The following HRH2 variants were observed in gnomAD, a reference collection of about 807,000 sequenced individuals.
The protein encoded by HRH2 is histamine receptor H2.
Under a neutral mutation model 20.1 loss-of-function variants are expected in HRH2, and 4 were observed. The observed-to-expected ratio is 0.20, with a 90% confidence interval of 0.10 to 0.45. HRH2 has a LOEUF of 0.45. Ranked by LOEUF, HRH2 falls within the 20% of genes least tolerant of loss-of-function variation. HRH2 has a pLI of 0.99. For missense variants in HRH2, 250 were observed against 461.6 expected (o/e 0.54, Z 4.20); for synonymous variants, 197 against 200.7 (o/e 0.98, Z 0.16).
intron 1 of HRH2, among the ~76,000 whole-genome samples, chr5:175,682,107 G>A (rs998689891): frequency 6.6e-6 from 1 of 152,170 alleles, no homozygotes; most frequent in African/African-American, 2.4e-5. Context: ...CTCTTCTGTC[G>A]GCACGTCATC....
chr5:175,699,735 G>T (rs112009929), intron 2 of HRH2, among the ~76,000 whole-genome samples: 4 of 151,972 alleles, frequency 2.6e-5, no homozygotes, highest in African/African-American at 9.7e-5. Flanking sequence ...CACCACGCCC[G>T]GCTAATTTTT....
In HRH2 at chr5:175,683,090, C is replaced by T. The variant is rs1341246797; in HGVS notation, c.-144C>T. On this transcript the variant is annotated 5_prime_UTR_variant, in exon 2 of 3. Coordinates refer to ENST00000636584, the MANE Select transcript of HRH2 (RefSeq NM_001367711.1). ...CATTGAAGCCTTCCCCACCCCCTGGCCAAAAAAAAAAAAAAAAAAAAACTG... is the reference window on the plus strand; with the variant it reads ...CATTGAAGCCTTCCCCACCCCCTGGTCAAAAAAAAAAAAAAAAAAAAACTG... The T allele has an allele frequency of 2.7e-6, 2 of 747,130 alleles. No individual in the cohort carries two copies. The highest frequency in any genetic ancestry group is 3.9e-6 in the Non-Finnish European group (2 of 509,614). The allele number at this position is 747,130 out of a possible 1,614,324, so 46.3% of individuals were successfully genotyped here. A position where few individuals can be genotyped will look rare whatever the true frequency, so the allele number is the denominator to read the frequency against.
At chr5:175,685,596 C>T (rs1756144061) in intron 2 of HRH2, 2 of 857,310 alleles carry the variant, frequency 2.3e-6, no homozygotes, top group Admixed American at 2.1e-5. Flanking sequence ...ATCAATGGCA[C>T]AGCCCTGGTC....
rs368999841 is a variant in HRH2, at chr5:175,674,344, C to T, written c.-525-8365C>T. Among the ~76,000 whole-genome samples, 25 of 152,314 alleles carry T rather than the reference C, an allele frequency of 1.6e-4. No individual in the cohort carries two copies. In the East Asian group the frequency reaches 2.3e-3, roughly 14 times the overall value. Reference sequence around the variant, plus strand: ...CTATCAAATGGGAACATGACAATCTCGCTATGCAGATACTATTATTATCAT... The same window carrying T: ...CTATCAAATGGGAACATGACAATCTTGCTATGCAGATACTATTATTATCAT... On this transcript the variant is annotated intron_variant, in intron 1 of 2. Coordinates refer to ENST00000636584, the MANE Select transcript of HRH2 (RefSeq NM_001367711.1).
intron 1 of HRH2, among the ~76,000 whole-genome samples, chr5:175,680,607 A>T (rs1755929780): frequency 6.6e-6 from 1 of 152,206 alleles, no homozygotes; most frequent in Non-Finnish European, 1.5e-5. Flanking sequence ...GGGTGACATG[A>T]TTCTTCCTCA....
At chr5:175,679,595 G>A (rs1042571976) in intron 1 of HRH2, among the ~76,000 whole-genome samples, 4 of 152,190 alleles carry the variant, frequency 2.6e-5, no homozygotes, top group Non-Finnish European at 4.4e-5. Context: ...AATCTAACTC[G>A]GTACAAAGTG....
intron 2 of HRH2, among the ~76,000 whole-genome samples, chr5:175,702,545 CTTT>C (rs1163403100): frequency 2.3e-5 from 2 of 86,088 alleles, no homozygotes; most frequent in Non-Finnish European, 2.2e-5. Flanking sequence ...AGTATACCAT[CTTT>C]TTTTTTTTTT....
intron 1 of HRH2, among the ~76,000 whole-genome samples, chr5:175,670,312 C>T (rs1755481163): frequency 6.6e-6 from 1 of 152,088 alleles, no homozygotes; most frequent in Non-Finnish European, 1.5e-5. Context: ...AGACTTTTTA[C>T]ATGAAATCTC....
intron 2 of HRH2, among the ~76,000 whole-genome samples, chr5:175,690,343 C>T (rs546053498): frequency 6.6e-6 from 1 of 152,296 alleles, no homozygotes; most frequent in South Asian, 2.1e-4. Context: ...GTTTGATAAC[C>T]TCAGGCAAGT....
At chr5:175,696,857 G>C (rs1204415363) in intron 2 of HRH2, among the ~76,000 whole-genome samples, 1 of 152,226 alleles carries the variant, frequency 6.6e-6, no homozygotes, top group African/African-American at 2.4e-5. Context: ...AGAAGGAACT[G>C]AGTTAAGACA....
chr5:175,664,072 G>A (rs1762818340), intron 1 of HRH2, among the ~76,000 whole-genome samples: 1 of 152,332 alleles, frequency 6.6e-6, no homozygotes, highest in East Asian at 1.9e-4. Context: ...CAGTGTGGCT[G>A]ATTATTGCCA....
rs756463083 is a variant in HRH2, at chr5:175,683,863, G to A, written c.630G>A (p.Arg210=). The change falls in exon 2 of 3, where the codon CGG becomes CGA. Residue 210 remains arginine, a synonymous_variant. Coordinates refer to ENST00000636584, the MANE Select transcript of HRH2 (RefSeq NM_001367711.1). The part of the protein sequence containing the change: ...ITYYRIFKVA[R]DQAKRINHIS... ...ACTACCGCATCTTCAAGGTCGCCCG[G>A]GATCAGGCCAAGAGGATCAATCACA... is the stretch of plus-strand genomic sequence containing the variant. 6 of 1,613,998 alleles carry A rather than the reference G, an allele frequency of 3.7e-6. No homozygotes were observed. Among genetic ancestry groups the A allele is most frequent in the Non-Finnish European group, 5.1e-6 (6 of 1,180,040 alleles).
At chr5:175,689,140 G>C (rs1165445209) in intron 2 of HRH2, among the ~76,000 whole-genome samples, 1 of 152,144 alleles carries the variant, frequency 6.6e-6, no homozygotes, top group Non-Finnish European at 1.5e-5. Flanking sequence ...CCTTCCGTCT[G>C]AGAGGTTTTC....
In HRH2 at chr5:175,679,655, G is replaced by A. The variant is rs748846392; in HGVS notation, c.-525-3054G>A. 7.1e-4 allele frequency among the ~76,000 whole-genome samples: 108 copies of A among 152,240 alleles called. 4 individuals carry two copies. The highest frequency in any genetic ancestry group is 8.5e-4 in the Admixed American group (13 of 15,286). On this transcript the variant is annotated intron_variant, in intron 1 of 2. Transcript: ENST00000636584. Reference sequence around the variant, plus strand: ...GCATCTAGGAGGACTCAAGGAGACAGTTACCTGAGCTGGCCTTGAAAGGAG... The same window carrying A: ...GCATCTAGGAGGACTCAAGGAGACAATTACCTGAGCTGGCCTTGAAAGGAG...
At chr5:175,660,969 G>A (rs1762720972) in intron 1 of HRH2, among the ~76,000 whole-genome samples, 1 of 152,172 alleles carries the variant, frequency 6.6e-6, no homozygotes, top group African/African-American at 2.4e-5. Flanking sequence ...TCCTTAGACT[G>A]GCATACATGG....
rs35616765 is a variant in HRH2 at position 175,683,091 on chromosome 5, CAAAAAAAA to C, written c.-129_-122del. 15 of 583,864 alleles carry C rather than the reference CAAAAAAAA, an allele frequency of 2.6e-5. No individual in the cohort carries two copies. Among genetic ancestry groups the C allele is most frequent in the Admixed American group, 4.0e-5 (1 of 25,018 alleles). 36.2% of individuals were successfully genotyped at this position (583,864 alleles called of 1,614,324 possible). On this transcript the variant is annotated 5_prime_UTR_variant, in exon 2 of 3. Transcript: ENST00000636584. ...ATTGAAGCCTTCCCCACCCCCTGGCCAAAAAAAAAAAAAAAAAAAAACTGGACACATTT... is the reference window on the plus strand; with the variant it reads ...ATTGAAGCCTTCCCCACCCCCTGGCCAAAAAAAAAAAAACTGGACACATTT...
rs762771085 is a variant in HRH2 at position 175,683,843 on chromosome 5, C to T, written c.610C>T (p.Arg204Cys). 2 of 1,614,148 alleles carry T rather than the reference C, an allele frequency of 1.2e-6. No homozygotes were observed. Among genetic ancestry groups the T allele is most frequent in the South Asian group, 1.1e-5 (1 of 91,084 alleles). Residue 204 changes from arginine (R) to cysteine (C), a missense_variant, in exon 2 of 3, where the codon CGC becomes TGC. Coordinates refer to ENST00000636584, the MANE Select transcript of HRH2 (RefSeq NM_001367711.1). ...PLLIMCITYY[R>C]IFKVARDQAK... is the part of the protein sequence containing the mutation. The stretch of plus-strand genomic sequence containing the variant: ...ACTGATCATGTGCATCACCTACTAC[C>T]GCATCTTCAAGGTCGCCCGGGATCA...
At chr5:175,697,816 C>T (rs953595194) in intron 2 of HRH2, among the ~76,000 whole-genome samples, 3 of 152,272 alleles carry the variant, frequency 2.0e-5, no homozygotes, top group African/African-American at 7.2e-5. Context: ...ACTTCTTCCT[C>T]TTCAGCTGAG....
Position 175,673,241 on chromosome 5 carries a change from G to A in HRH2, c.-525-9468G>A, listed in dbSNP as rs75582315. Reference sequence around the variant, plus strand: ...TGCAAAGGAGAGTAGATGTGTGTGTGTGCGTGTGTGTATGCATGTGCGCGT... The same window carrying A: ...TGCAAAGGAGAGTAGATGTGTGTGTATGCGTGTGTGTATGCATGTGCGCGT... On this transcript the variant is annotated intron_variant, in intron 1 of 2. Transcript: ENST00000636584. Among the ~76,000 whole-genome samples the A allele has an allele frequency of 4.2e-3, 638 of 152,250 alleles. 3 individuals carry two copies. Among genetic ancestry groups the A allele is most frequent in the Non-Finnish European group, 4.1e-3 (276 of 68,038 alleles).
Sources: gnomAD v4.1 joint callset for allele counts (sites outside exome capture counted in the v4.1 genomes callset) on GRCh38, gnomAD v4.1.1 for gene constraint, MANE v1.5 for transcripts, NCBI Gene and HGNC (gene_info 2026-07-23, HGNC 2026-07-21) for gene names.